PM20D1: variants seen among roughly 807,000 people sequenced by gnomAD.
PM20D1 encodes the protein peptidase M20 domain containing 1.
Under a neutral mutation model 53.8 loss-of-function variants are expected in PM20D1, and 53 were observed. The observed-to-expected ratio is 0.98, with a 90% CI of 0.79 to 1.24. The LOEUF (loss-of-function observed/expected upper bound fraction) is 1.24. Among genes scored for constraint, PM20D1 ranks in the 50% most tolerant of loss-of-function variants. The pLI is 0.00. For synonymous variants in PM20D1, 239 were observed against 241.3 expected, an observed-to-expected ratio of 0.99 and a Z score of 0.09; for missense variants, 564 against 616.8, an observed-to-expected ratio of 0.91 and a Z score of 0.91.
At chr1:205,845,270 C>T in intron 3 of PM20D1, 55 bp downstream of exon 3, 1 of 1,550,486 alleles carries the variant, frequency 6.4e-7, no homozygotes, top group Non-Finnish European at 8.9e-7. Context: ...GCCAAGCACC[C>T]CCATCCTGAT....
Position 205,842,707 on chromosome 1 carries a change from A to G in PM20D1, c.872T>C (p.Val291Ala). Residue 291 changes from valine to alanine, a missense_variant, in exon 7 of 13, where the codon GTG becomes GCG. Coordinates refer to ENST00000367136, the MANE Select transcript of PM20D1 (RefSeq NM_152491.5). ...PMPIIFGSGT[V>A]VTVLQQLANE... is the part of the protein sequence containing the mutation. ...TGCCAGTTGCTGCAATACAGTCACC[A>G]CTGTCCCGCTTCCAAATATGATAGG... 8.7e-6 allele frequency: 14 copies of G among 1,614,066 alleles called. No homozygotes were observed. Among genetic ancestry groups the G allele is most frequent in the South Asian group, 1.1e-5 (1 of 91,080 alleles).
At chr1:205,832,548 A>G in intron 11 of PM20D1, 50 bp downstream of exon 11, 2 of 1,597,776 alleles carry the variant, frequency 1.3e-6, no homozygotes, top group African/African-American at 1.3e-5. Context: ...TTGGATAGGA[A>G]ACAGTTCCAG....
At chr1:205,831,544 A>G (rs1442103664) in intron 11 of PM20D1, among the ~76,000 whole-genome samples, 2 of 149,274 alleles carry the variant, frequency 1.3e-5, no homozygotes, top group Non-Finnish European at 3.0e-5. Context: ...CAATATCATT[A>G]TTATTGAGCA....
intron 10 of PM20D1, among the ~76,000 whole-genome samples, chr1:205,835,576 C>T (rs1467368534): frequency 3.6e-5 from 5 of 137,366 alleles, no homozygotes; most frequent in African/African-American, 5.5e-5. Context: ...GGCATGAACC[C>T]GGGAGGCGGA....
At chr1:205,846,726 AATT>A (rs2102531964) in intron 2 of PM20D1, among the ~76,000 whole-genome samples, 1 of 152,026 alleles carries the variant, frequency 6.6e-6, no homozygotes, top group African/African-American at 2.4e-5. Flanking sequence ...TCCTAGGGTC[AATT>A]ATTCAAGCGA....
chr1:205,843,868 A>G lies in PM20D1; in HGVS notation c.708-82T>C, dbSNP rs1400011071. On this transcript the variant is annotated intron_variant, in intron 5 of 12. Transcript: ENST00000367136. ...ATAGGCCCATAGGTCCATCTGTGCA[A>G]TAGTCTAGTGGGCAAGGAGGTAGCT... is the stretch of plus-strand genomic sequence containing the variant. 4.5e-6 allele frequency: 7 copies of G among 1,547,510 alleles called. No homozygotes were observed. In the East Asian group the frequency reaches 6.8e-5, roughly 15 times the overall value.
chr1:205,830,773 C>T (rs559180238), intron 11 of PM20D1, among the ~76,000 whole-genome samples: 126 of 148,594 alleles, frequency 8.5e-4, no homozygotes, highest in African/African-American at 3.0e-3. Context: ...TTGCTGTTCC[C>T]CATGACGCCC....
In PM20D1 at chr1:205,842,676, C is replaced by T. The variant is rs1365729501; in HGVS notation, c.903G>A (p.Glu301=). 6.2e-7 allele frequency: 1 copy of T among 1,613,762 alleles called. No individual in the cohort carries two copies. Among genetic ancestry groups the T allele is most frequent in the Admixed American group, 1.7e-5 (1 of 60,000 alleles). Residue 301 remains glutamate (E), a splice_region_variant and synonymous_variant, in exon 7 of 13, where the codon GAG becomes GAA. Coordinates refer to ENST00000367136, the MANE Select transcript of PM20D1 (RefSeq NM_152491.5). ...VVTVLQQLAN[E]FPFPVNIILS... Reference sequence around the variant, plus strand: ...GAGTATGTGATACTTCTTCCCATACCTCATTTGCCAGTTGCTGCAATACAG... The same window carrying T: ...GAGTATGTGATACTTCTTCCCATACTTCATTTGCCAGTTGCTGCAATACAG...
rs1656937028 is a variant in PM20D1, at chr1:205,845,623, T to G, written c.257-66A>C. ...AGTTTCCTTAGGTTTTCCTACCAAGTTGTGCTTCCTGTTCCTTTATTTATT... is the reference window on the plus strand; with the variant it reads ...AGTTTCCTTAGGTTTTCCTACCAAGGTGTGCTTCCTGTTCCTTTATTTATT... On this transcript the variant is annotated intron_variant, in intron 2 of 12. Transcript: ENST00000367136. 7 of 1,355,852 alleles carry G rather than the reference T, an allele frequency of 5.2e-6. No homozygotes were observed. The Admixed American group carries it at 1.3e-4, about 25-fold the overall frequency. 84.0% of individuals were successfully genotyped at this position (1,355,852 alleles called of 1,614,324 possible).
Position 205,828,619 on chromosome 1 carries a change from C to G in PM20D1, c.*1G>C, listed in dbSNP as rs778229626. On this transcript the variant is annotated 3_prime_UTR_variant, in exon 13 of 13. Transcript: ENST00000367136. Reference sequence around the variant, plus strand: ...TGCCTAACCCAGCAGGCCCCTTGACCTCACAGTTTGTGCAGGTGAGAAACT... The same window carrying G: ...TGCCTAACCCAGCAGGCCCCTTGACGTCACAGTTTGTGCAGGTGAGAAACT... The G allele has an allele frequency of 7.4e-6, 12 of 1,614,140 alleles. No individual in the cohort carries two copies. Among genetic ancestry groups the G allele is most frequent in the Non-Finnish European group, 9.3e-6 (11 of 1,180,002 alleles).
intron 9 of PM20D1, among the ~76,000 whole-genome samples, chr1:205,841,046 T>A (rs990520266): frequency 6.6e-6 from 1 of 152,190 alleles, no homozygotes; most frequent in Non-Finnish European, 1.5e-5. Flanking sequence ...TTGAGGCTGC[T>A]GAGCAATTGT....
chr1:205,828,655 C>T lies in PM20D1; in HGVS notation c.1474G>A (p.Asp492Asn). 1 of 1,614,204 alleles carries T rather than the reference C, an allele frequency of 6.2e-7. No individual in the cohort carries two copies. Among genetic ancestry groups the T allele is most frequent in the East Asian group, 2.2e-5 (1 of 44,888 alleles). Residue 492 changes from aspartate to asparagine, a missense_variant, in exon 13 of 13, where the codon GAC (aspartate) becomes AAC (asparagine). Coordinates refer to ENST00000367136, the MANE Select transcript of PM20D1 (RefSeq NM_152491.5). ...IFELIQNADTDQEPVSHLHKL is the reference protein window; with the variant it reads ...IFELIQNADTNQEPVSHLHKL ...TGCAGGTGAGAAACTGGCTCCTGGT[C>T]TGTGTCAGCATTCTGAATCAACTCA...
chr1:205,831,122 C>T (rs1656549401), intron 11 of PM20D1, among the ~76,000 whole-genome samples: 1 of 152,152 alleles, frequency 6.6e-6, no homozygotes, highest in Non-Finnish European at 1.5e-5. Context: ...TCCCACTCTC[C>T]TGAAGGTGGT....
intron 11 of PM20D1, among the ~76,000 whole-genome samples, chr1:205,831,247 T>C (rs1416361400): frequency 6.6e-6 from 1 of 152,258 alleles, no homozygotes; most frequent in African/African-American, 2.4e-5. Flanking sequence ...AATTTGTGTT[T>C]TGTTCCATCT....
At position 205,830,513 on chromosome 1, in the gene PM20D1, G is replaced by A. The variant is rs769703218; in HGVS notation, c.1286-134C>T. 1.6e-4 allele frequency: 92 copies of A among 590,146 alleles called. 1 individual carries two copies. Among genetic ancestry groups the A allele is most frequent in the African/African-American group, 8.3e-4 (44 of 53,202 alleles). The allele number at this position is 590,146 out of a possible 1,614,324, so 36.6% of individuals were successfully genotyped here. A position where few individuals can be genotyped will look rare whatever the true frequency, so the allele number is the denominator to read the frequency against. On this transcript the variant is annotated intron_variant, in intron 11 of 12. Coordinates refer to ENST00000367136, the MANE Select transcript of PM20D1 (RefSeq NM_152491.5). ...GCAATGCCTGGGCTCTCCTGAAAGCGTATAGCTATCCTTACAAAAAGCACC... is the reference window on the plus strand; with the variant it reads ...GCAATGCCTGGGCTCTCCTGAAAGCATATAGCTATCCTTACAAAAAGCACC...
chr1:205,841,043 T>TGCTGA, intron 9 of PM20D1, among the ~76,000 whole-genome samples: 1 of 152,310 alleles, frequency 6.6e-6, no homozygotes, highest in East Asian at 1.9e-4. Context: ...TCCTTGAGGC[T>TGCTGA]GCTGAGCAAT....
chr1:205,844,862 C>T lies in PM20D1; in HGVS notation c.525G>A (p.Arg175=), dbSNP rs1412699857. The T allele has an allele frequency of 6.2e-7, 1 of 1,613,882 alleles. No individual in the cohort carries two copies. Among genetic ancestry groups the T allele is most frequent in the Non-Finnish European group, 8.5e-7 (1 of 1,180,014 alleles). Residue 175 remains arginine, a synonymous_variant, in exon 4 of 13, where the codon AGG becomes AGA. Coordinates refer to ENST00000367136, the MANE Select transcript of PM20D1 (RefSeq NM_152491.5). ...LLQALELLLI[R]KYIPRRSFFI... is the part of the protein sequence containing the mutation. Reference sequence around the variant, plus strand: ...AGAAAGATCTTCGGGGGATGTACTTCCTGATCAGCAGGAGCTCCAAGGCCT... The same window carrying T: ...AGAAAGATCTTCGGGGGATGTACTTTCTGATCAGCAGGAGCTCCAAGGCCT...
intron 3 of PM20D1, 45 bp downstream of exon 3, chr1:205,845,280 T>A (rs1656924085): frequency 6.3e-7 from 1 of 1,575,130 alleles, no homozygotes; most frequent in African/African-American, 1.3e-5. Context: ...CCCATCCTGA[T>A]TGATCTTTAG....
intron 11 of PM20D1, 49 bp from the exon 12 acceptor site, chr1:205,830,428 C>T (rs1286333787): frequency 7.3e-7 from 1 of 1,369,032 alleles, no homozygotes; most frequent in Non-Finnish European, 1.0e-6. Flanking sequence ...AGCAATCAAA[C>T]CAGCGAAGTG....
Sources: allele counts gnomAD v4.1 joint callset (sites outside exome capture counted in the v4.1 genomes callset), GRCh38; gene constraint gnomAD v4.1.1; transcripts MANE v1.5; gene names NCBI Gene and HGNC (gene_info 2026-07-23, HGNC 2026-07-21).